The following MYO18B variants were observed in gnomAD, a reference collection of about 807,000 sequenced individuals.
MYO18B encodes the protein unconventional myosin-XVIIIb.
In MYO18B, 204 loss-of-function variants were observed where a neutral mutation model predicts 273.0. The ratio of observed to expected loss-of-function variants is 0.75; its 90% CI spans 0.67 to 0.84. MYO18B has a LOEUF of 0.84. Ranked by LOEUF, MYO18B falls within the 40% of genes least tolerant of loss-of-function variation. The pLI, the probability that MYO18B is intolerant of heterozygous loss-of-function variation, is 0.00. For missense variants in MYO18B, 3,212 were observed against 3,287.6 expected (o/e 0.98, Z 0.56); for synonymous variants, 1,330 against 1,305.7 (o/e 1.02, Z -0.40).
rs2086604692 is a variant in MYO18B at position 25,768,766 on chromosome 22, A to G, written c.850A>G (p.Lys284Glu). The change falls in exon 4 of 44, where the codon AAG (lysine) becomes GAG (glutamate). Residue 284 changes from lysine (K) to glutamate (E), a missense_variant. Physicochemically the swap from Lys to Glu is moderately conservative, Grantham distance 56 (BLOSUM62 1). Coordinates refer to ENST00000335473, the MANE Select transcript of MYO18B (RefSeq NM_032608.7). ...GEGVRPGKAE[K>E]EGAEPTNTVE... ...GGGGGTGCGACCAGGGAAAGCAGAG[A>G]AGGAGGGAGCAGAGCCCACAAACAC... 6.2e-7 allele frequency: 1 copy of G among 1,608,118 alleles called. No homozygotes were observed. Among genetic ancestry groups the G allele is most frequent in the African/African-American group, 1.3e-5 (1 of 74,956 alleles).
In MYO18B at chr22:25,780,045, GC is replaced by G; in HGVS notation, c.2069-6del. 6.3e-7 allele frequency: 1 copy of G among 1,578,422 alleles called. No homozygotes were observed. On this transcript the variant is annotated splice_polypyrimidine_tract_variant and intron_variant, in intron 8 of 43. Transcript: ENST00000335473. ...CATCAGTGACATGTGGCCCCATGCT[GC>G]CCCCAACAGTGGAGAAGATCCGAGC...
At chr22:25,983,205 A>G (rs1411084702) in intron 39 of MYO18B, 1 of 152,070 alleles carries the variant, frequency 6.6e-6, no homozygotes, top group African/African-American at 2.4e-5. Context: ...CCCATCTCTA[A>G]AAAAATGAAA....
intron 7 of MYO18B, among the ~76,000 whole-genome samples, chr22:25,775,351 C>T (rs2086876419): frequency 6.6e-6 from 1 of 152,200 alleles, no homozygotes; most frequent in African/African-American, 2.4e-5. Context: ...CCAAGCTAGA[C>T]ATCTAGGCTG....
chr22:25,805,528 A>ATG (rs1037058007), intron 12 of MYO18B, among the ~76,000 whole-genome samples: 1 of 152,150 alleles, frequency 6.6e-6, no homozygotes, highest in Non-Finnish European at 1.5e-5. Context: ...CTGTCCTGGA[A>ATG]GCCTGGAATG....
At chr22:25,916,310 G>T (rs763491) in intron 33 of MYO18B, among the ~76,000 whole-genome samples, 6 of 151,930 alleles carry the variant, frequency 3.9e-5, no homozygotes, top group South Asian at 2.1e-4. Flanking sequence ...TCTTTGTTGT[G>T]TATTTAATAG....
intron 22 of MYO18B, among the ~76,000 whole-genome samples, chr22:25,872,791 C>T (rs573796778): frequency 6.6e-6 from 1 of 152,228 alleles, no homozygotes; most frequent in South Asian, 2.1e-4. Context: ...TTCCAAAACA[C>T]AGTAAGTGCC....
chr22:25,950,760 C>T (rs1292815685), intron 37 of MYO18B, among the ~76,000 whole-genome samples: 3 of 151,972 alleles, frequency 2.0e-5, no homozygotes, highest in South Asian at 2.1e-4. Flanking sequence ...TAAGTAGAGA[C>T]GGGGTTCTAC....
chr22:26,004,568 G>A, intron 41 of MYO18B, 150 bp from the exon 42 acceptor site: 3 of 943,086 alleles, frequency 3.2e-6, no homozygotes, highest in Non-Finnish European at 3.0e-6. Flanking sequence ...AACTGTGACA[G>A]CACTGGCTCC....
intron 19 of MYO18B, among the ~76,000 whole-genome samples, chr22:25,846,509 C>T (rs1227307482): frequency 6.6e-6 from 1 of 152,214 alleles, no homozygotes; most frequent in Non-Finnish European, 1.5e-5. Context: ...GAGGCCTAAG[C>T]CTGTGCTGCT....
chr22:25,785,319 C>T, intron 10 of MYO18B, 109 bp from the exon 11 acceptor site: 1 of 1,031,428 alleles, frequency 9.7e-7, no homozygotes, highest in Non-Finnish European at 1.5e-6. Flanking sequence ...AGGGACAGCC[C>T]CTGGGGTGTC....
At chr22:26,012,666 A>G (rs903472376) in intron 42 of MYO18B, among the ~76,000 whole-genome samples, 2 of 152,234 alleles carry the variant, frequency 1.3e-5, no homozygotes, top group Admixed American at 1.3e-4. Context: ...TTTCCTGTCT[A>G]GAACTCGAGG....
chr22:25,836,696 C>T (rs1161244798), intron 17 of MYO18B, among the ~76,000 whole-genome samples: 2 of 152,114 alleles, frequency 1.3e-5, no homozygotes, highest in Non-Finnish European at 2.9e-5. Context: ...CGCAGTGGCT[C>T]ACGCCTGTAA....
Position 25,847,474 on chromosome 22 carries a change from C to A in MYO18B, c.3597C>A (p.Ile1199=). The A allele has an allele frequency of 2.5e-6, 4 of 1,581,766 alleles. No individual in the cohort carries two copies. The highest frequency in any genetic ancestry group is 3.4e-6 in the Non-Finnish European group (4 of 1,163,624). ...TCAAAAGGTCCCGGCTGCACTTTAT[C>A]CACTGCCTGGTACCAAACCCTGTGG... ...SMIKRSRLHF[I]HCLVPNPVVE... The change falls in exon 20 of 44, where the codon ATC becomes ATA. Residue 1199 remains isoleucine (I), a synonymous_variant. Coordinates refer to ENST00000335473, the MANE Select transcript of MYO18B (RefSeq NM_032608.7).
chr22:25,846,416 TC>T, intron 19 of MYO18B, 133 bp downstream of exon 19: 1 of 979,008 alleles, frequency 1.0e-6, no homozygotes, highest in Non-Finnish European at 1.5e-6. Flanking sequence ...CACCCCACGC[TC>T]CACAGAGGAG....
chr22:25,870,343 G>A (rs1243979294), intron 22 of MYO18B, among the ~76,000 whole-genome samples: 1 of 152,226 alleles, frequency 6.6e-6, no homozygotes, highest in Non-Finnish European at 1.5e-5. Flanking sequence ...AGATGGCACA[G>A]CCTATTGCTC....
intron 8 of MYO18B, among the ~76,000 whole-genome samples, chr22:25,778,956 A>G (rs1329302324): frequency 3.3e-5 from 5 of 152,234 alleles, no homozygotes; most frequent in African/African-American, 1.2e-4. Flanking sequence ...TACTGGCTGT[A>G]GAACTCTAAC....
Position 25,847,492 on chromosome 22 carries a change from C to A in MYO18B, c.3615C>A (p.Asn1205Lys). 2 of 1,582,440 alleles carry A rather than the reference C, an allele frequency of 1.3e-6. No homozygotes were observed. The highest frequency in any genetic ancestry group is 1.7e-6 in the Non-Finnish European group (2 of 1,164,092). The part of the protein sequence containing the change: ...RLHFIHCLVP[N>K]PVVESRSGQE... ...ACTTTATCCACTGCCTGGTACCAAA[C>A]CCTGTGGTGGAAAGCAGGAGTGGGC... Residue 1205 changes from asparagine to lysine, a missense_variant, in exon 20 of 44, where the codon AAC becomes AAA. By Grantham distance (94) the Asn-to-Lys change is moderately conservative. Coordinates refer to ENST00000335473, the MANE Select transcript of MYO18B (RefSeq NM_032608.7).
the MYO18B span, among the ~76,000 whole-genome samples, chr22:26,046,487 T>G: frequency 2.0e-5 from 3 of 152,170 alleles, no homozygotes; most frequent in African/African-American, 7.2e-5. Flanking sequence ...CCATTTTGCT[T>G]CCTTTATCTA....
the MYO18B span, among the ~76,000 whole-genome samples, chr22:26,046,511 A>T: frequency 6.6e-6 from 1 of 152,108 alleles, no homozygotes; most frequent in African/African-American, 2.4e-5. Flanking sequence ...TATCAGTGGG[A>T]CTTTTGACTC....
Sources: allele counts gnomAD v4.1 joint callset (sites outside exome capture counted in the v4.1 genomes callset), GRCh38; gene constraint gnomAD v4.1.1; transcripts MANE v1.5; gene names NCBI Gene and HGNC (gene_info 2026-07-23, HGNC 2026-07-21).